The following HS3ST5 variants were observed in gnomAD, a reference collection of about 807,000 sequenced individuals.
HS3ST5 encodes the protein heparan sulfate glucosamine 3-O-sulfotransferase 5.
Under a neutral mutation model 25.4 loss-of-function variants are expected in HS3ST5, and 10 were observed. The observed-to-expected ratio is 0.39, with a 90% CI of 0.24 to 0.67. The LOEUF is 0.67. Among genes scored for constraint, HS3ST5 ranks in the 30% least tolerant of loss-of-function variants. The pLI is 0.44. For missense variants in HS3ST5, 324 were observed against 420.7 expected (o/e 0.77, Z 2.01); for synonymous variants, 170 against 162.4 (o/e 1.05, Z -0.36).
intron 4 of HS3ST5, among the ~76,000 whole-genome samples, chr6:114,062,434 A>G (rs997777706): frequency 1.3e-5 from 2 of 152,166 alleles, no homozygotes; most frequent in South Asian, 4.1e-4. Flanking sequence ...TCAACACCAG[A>G]TGCACACGGA....
At chr6:114,156,250 G>C (rs1778692415) in intron 3 of HS3ST5, among the ~76,000 whole-genome samples, 1 of 152,148 alleles carries the variant, frequency 6.6e-6, no homozygotes, top group South Asian at 2.1e-4. Flanking sequence ...CTCCAAAGAG[G>C]ATTTTCTCCC....
At chr6:114,281,313 T>A (rs1774098671) in intron 1 of HS3ST5, among the ~76,000 whole-genome samples, 2 of 152,050 alleles carry the variant, frequency 1.3e-5, no homozygotes, top group Non-Finnish European at 2.9e-5. Flanking sequence ...TGTAGTTGTA[T>A]AGTGTCAGAT....
chr6:114,126,179 G>A (rs1158051530), intron 3 of HS3ST5, among the ~76,000 whole-genome samples: 3 of 152,066 alleles, frequency 2.0e-5, no homozygotes, highest in African/African-American at 4.8e-5. Flanking sequence ...CACATTCTAC[G>A]CAAGCAAAGA....
intron 4 of HS3ST5, among the ~76,000 whole-genome samples, chr6:114,061,480 T>C (rs934812081): frequency 7.9e-5 from 12 of 152,234 alleles, no homozygotes; most frequent in Admixed American, 6.5e-4. Context: ...CAAGGACCAC[T>C]GCTATGTTAT....
intron 2 of HS3ST5, among the ~76,000 whole-genome samples, chr6:114,199,116 C>T (rs941756066): frequency 6.6e-6 from 1 of 151,946 alleles, no homozygotes; most frequent in African/African-American, 2.4e-5. Flanking sequence ...ATATTGATGC[C>T]ATTATTATGA....
intron 2 of HS3ST5, among the ~76,000 whole-genome samples, chr6:114,220,031 G>C (rs992424387): frequency 6.6e-6 from 1 of 151,860 alleles, no homozygotes; most frequent in Non-Finnish European, 1.5e-5. Flanking sequence ...AAACCATTTA[G>C]AGCCCTGTCT....
At chr6:114,134,041 A>C (rs1025183891) in intron 3 of HS3ST5, among the ~76,000 whole-genome samples, 1 of 151,862 alleles carries the variant, frequency 6.6e-6, no homozygotes, top group African/African-American at 2.4e-5. Context: ...TGGAGAGAAA[A>C]AGGAGGAGGA....
chr6:114,256,162 G>A (rs560275040), intron 1 of HS3ST5, among the ~76,000 whole-genome samples: 2 of 152,218 alleles, frequency 1.3e-5, no homozygotes, highest in East Asian at 3.9e-4. Flanking sequence ...GCCAAGGTGG[G>A]CAGATCACAA....
chr6:114,307,358 G>GC (rs528782292), intron 1 of HS3ST5, among the ~76,000 whole-genome samples: 78 of 145,220 alleles, frequency 5.4e-4, no homozygotes, highest in Non-Finnish European at 1.0e-3. Context: ...TATCCTTACT[G>GC]TTTTTTTTTT....
intron 3 of HS3ST5, among the ~76,000 whole-genome samples, chr6:114,108,546 C>T (rs73536643): frequency 0.013 from 2,047 of 152,250 alleles, 47 homozygotes; most frequent in African/African-American, 0.048. Flanking sequence ...AAGGGAAACC[C>T]TTTCCTCTGG....
At chr6:114,082,530 G>A (rs564778874) in intron 3 of HS3ST5, among the ~76,000 whole-genome samples, 4 of 152,166 alleles carry the variant, frequency 2.6e-5, no homozygotes, top group Non-Finnish European at 5.9e-5. Flanking sequence ...TGAGATATCA[G>A]AATAAAGTTC....
At chr6:114,184,770 T>G (rs1780138862) in intron 2 of HS3ST5, among the ~76,000 whole-genome samples, 1 of 152,168 alleles carries the variant, frequency 6.6e-6, no homozygotes, top group Non-Finnish European at 1.5e-5. Context: ...AAGGTGGGAC[T>G]GCTGACCCAG....
chr6:114,185,986 T>G (rs1780199712), intron 2 of HS3ST5, among the ~76,000 whole-genome samples: 1 of 152,132 alleles, frequency 6.6e-6, no homozygotes, highest in South Asian at 2.1e-4. Flanking sequence ...TGTAATTATT[T>G]TGGGGAACCA....
chr6:114,292,118 A>G (rs1346094199), intron 1 of HS3ST5, among the ~76,000 whole-genome samples: 1 of 152,224 alleles, frequency 6.6e-6, no homozygotes, highest in Non-Finnish European at 1.5e-5. Context: ...GTTTCATAAG[A>G]GCCAGTTCAT....
intron 2 of HS3ST5, among the ~76,000 whole-genome samples, chr6:114,209,163 T>C (rs1223801607): frequency 6.6e-6 from 1 of 152,170 alleles, no homozygotes; most frequent in African/African-American, 2.4e-5. Context: ...AATGTTCTTT[T>C]TTACATTCTG....
intron 3 of HS3ST5, among the ~76,000 whole-genome samples, chr6:114,096,516 AAG>A (rs2114808292): frequency 6.6e-6 from 1 of 152,272 alleles, no homozygotes; most frequent in Admixed American, 6.5e-5. Flanking sequence ...AGAAAAAATG[AAG>A]AGAGATGTTT....
intron 3 of HS3ST5, among the ~76,000 whole-genome samples, chr6:114,149,678 C>G (rs1360813785): frequency 6.6e-6 from 1 of 151,944 alleles, no homozygotes; most frequent in Non-Finnish European, 1.5e-5. Flanking sequence ...AGCAAACCAC[C>G]ATGGCACATG....
At chr6:114,224,695 T>TACAC (rs538572462) in intron 2 of HS3ST5, among the ~76,000 whole-genome samples, 1,348 of 105,390 alleles carry the variant, frequency 0.013, 12 homozygotes, top group Admixed American at 0.029. Context: ...TACATATATA[T>TACAC]ATATACACAC....
At chr6:114,116,006 A>G (rs1038920357) in intron 3 of HS3ST5, 1 of 152,146 alleles carries the variant, frequency 6.6e-6, no homozygotes, top group African/African-American at 2.4e-5. Flanking sequence ...AGCATAAAAT[A>G]AAACAATTTT....
Sources: allele counts gnomAD v4.1 joint callset (sites outside exome capture counted in the v4.1 genomes callset), GRCh38; gene constraint gnomAD v4.1.1; transcripts MANE v1.5; gene names NCBI Gene and HGNC (gene_info 2026-07-23, HGNC 2026-07-21).